SYT17: variants seen among roughly 807,000 people sequenced by gnomAD.
The protein encoded by SYT17 is synaptotagmin-17.
SYT17 carries 22 observed loss-of-function variants against 46.7 expected under a neutral mutation model. The observed-to-expected ratio is 0.47, with a 90% confidence interval of 0.34 to 0.67. The LOEUF (loss-of-function observed/expected upper bound fraction) is 0.67, where lower values mean the gene tolerates loss of function less well. SYT17 is among the 30% of genes least tolerant of loss of function. The probability of loss-of-function intolerance (pLI) is 0.01; values close to 1 mark genes in which losing one functional copy is unlikely to be tolerated. For missense variants in SYT17, 519 were observed against 612.8 expected, an observed-to-expected ratio of 0.85 and a Z score of 1.62; for synonymous variants, 251 against 248.4, an observed-to-expected ratio of 1.01 and a Z score of -0.10.
At chr16:19,241,870 C>G (rs1967156691) in intron 7 of SYT17, among the ~76,000 whole-genome samples, 2 of 152,154 alleles carry the variant, frequency 1.3e-5, no homozygotes, top group African/African-American at 4.8e-5. Context: ...GCACAGGGGT[C>G]CCACCACCAC....
At chr16:19,255,619 T>C (rs1968505426) in intron 7 of SYT17, among the ~76,000 whole-genome samples, 1 of 151,694 alleles carries the variant, frequency 6.6e-6, no homozygotes, top group African/African-American at 2.4e-5. Flanking sequence ...AGACCCCATG[T>C]CTAAAAAAAA....
At chr16:19,247,471 C>G (rs1003557963) in intron 7 of SYT17, among the ~76,000 whole-genome samples, 3 of 152,208 alleles carry the variant, frequency 2.0e-5, no homozygotes, top group African/African-American at 7.2e-5. Context: ...CCAAGCAACC[C>G]TCCTGTCCCG....
chr16:19,218,195 A>G (rs1169487851), intron 5 of SYT17, among the ~76,000 whole-genome samples: 1 of 152,240 alleles, frequency 6.6e-6, no homozygotes, highest in Non-Finnish European at 1.5e-5. Context: ...TGCTGTAACA[A>G]TCATAATCGT....
chr16:19,229,612 A>G (rs1966610714), intron 7 of SYT17, among the ~76,000 whole-genome samples: 1 of 152,232 alleles, frequency 6.6e-6, no homozygotes, highest in Non-Finnish European at 1.5e-5. Context: ...GAGGCAAACC[A>G]TATCAGAAAG....
At chr16:19,173,379 C>A in intron 2 of SYT17, 51 bp from the exon 3 acceptor site, 1 of 227,428 alleles carries the variant, frequency 4.4e-6, no homozygotes, top group Non-Finnish European at 8.7e-6. Flanking sequence ...CCCCACCCTG[C>A]CCACCTCCCC....
Position 19,261,141 on chromosome 16 carries a change from C to T in SYT17, c.1229-5739C>T, listed in dbSNP as rs929948500. 2.6e-5 allele frequency among the ~76,000 whole-genome samples: 4 copies of T among 152,114 alleles called. No homozygotes were observed. In the South Asian group the frequency reaches 6.2e-4, roughly 24 times the overall value. ...CAGGTGTGAGCCACTGCACCTGGCC[C>T]CTGACATGTCTAGTTTTAATTCTCT... On this transcript the variant is annotated intron_variant, in intron 7 of 7. Coordinates refer to ENST00000355377, the MANE Select transcript of SYT17 (RefSeq NM_016524.4).
intron 3 of SYT17, among the ~76,000 whole-genome samples, chr16:19,178,909 A>C (rs1244879873): frequency 6.6e-6 from 1 of 151,966 alleles, no homozygotes; most frequent in South Asian, 2.1e-4. Flanking sequence ...AATAATATCA[A>C]CTAAGCTGGG....
Position 19,224,669 on chromosome 16 carries a change from T to C in SYT17, c.1073-14T>C, listed in dbSNP as rs1417533355. ...TGATCTCCAACATTCTATGATGCTG[T>C]GTCTAATTTTCAGACCCCTTTGTGA... is the stretch of plus-strand genomic sequence containing the variant. On this transcript the variant is annotated splice_polypyrimidine_tract_variant and intron_variant, in intron 6 of 7. Transcript: ENST00000355377. 1 of 1,613,742 alleles carries C rather than the reference T, an allele frequency of 6.2e-7. No homozygotes were observed. The highest frequency in any genetic ancestry group is 1.3e-5 in the African/African-American group (1 of 75,044).
intron 1 of SYT17, among the ~76,000 whole-genome samples, chr16:19,169,534 C>T (rs536715715): frequency 6.6e-6 from 1 of 152,330 alleles, no homozygotes; most frequent in African/African-American, 2.4e-5. Context: ...CACATCTTGT[C>T]CCCTCAGCCA....
At chr16:19,218,983 C>T (rs1461093075) in intron 5 of SYT17, among the ~76,000 whole-genome samples, 2 of 152,164 alleles carry the variant, frequency 1.3e-5, no homozygotes, top group African/African-American at 4.8e-5. Context: ...GAAACCCTAC[C>T]CCATCCACCG....
At chr16:19,192,710 G>A (rs1192814522) in intron 5 of SYT17, among the ~76,000 whole-genome samples, 1 of 152,216 alleles carries the variant, frequency 6.6e-6, no homozygotes, top group East Asian at 1.9e-4. Flanking sequence ...GACAAAGGAT[G>A]CAATTTGAAA....
intron 1 of SYT17, chr16:19,172,096 G>A (rs1224507700): frequency 6.2e-6 from 1 of 161,432 alleles, no homozygotes; most frequent in Non-Finnish European, 1.3e-5. Context: ...GGCCCATTTG[G>A]AAAACCACCT....
chr16:19,257,584 G>A (rs924079688), intron 7 of SYT17, among the ~76,000 whole-genome samples: 1 of 152,110 alleles, frequency 6.6e-6, no homozygotes, highest in Admixed American at 6.6e-5. Flanking sequence ...TGTAGACTGC[G>A]TTATGTCTCC....
chr16:19,211,180 A>C, intron 5 of SYT17: 1 of 440,566 alleles, frequency 2.3e-6, no homozygotes, highest in Non-Finnish European at 4.0e-6. Context: ...AAGAAAGGAA[A>C]TGAGGCCTGT....
At chr16:19,185,893 C>T (rs368446971) in intron 5 of SYT17, among the ~76,000 whole-genome samples, 6 of 152,188 alleles carry the variant, frequency 3.9e-5, no homozygotes, top group Non-Finnish European at 8.8e-5. Context: ...GTGCACTAAG[C>T]GGTAATCACA....
At chr16:19,204,526 G>C (rs1271915709) in intron 5 of SYT17, among the ~76,000 whole-genome samples, 2 of 151,998 alleles carry the variant, frequency 1.3e-5, no homozygotes, top group Admixed American at 1.3e-4. Flanking sequence ...GTGAGGATGG[G>C]GCAGGGTGGT....
intron 5 of SYT17, among the ~76,000 whole-genome samples, chr16:19,219,953 G>C (rs1966245842): frequency 6.6e-6 from 1 of 152,134 alleles, no homozygotes; most frequent in South Asian, 2.1e-4. Flanking sequence ...GGATGGCCTG[G>C]GCTCCTGAGA....
At chr16:19,211,330 G>A (rs911767585) in intron 5 of SYT17, 17 of 688,678 alleles carry the variant, frequency 2.5e-5, no homozygotes, top group African/African-American at 2.1e-4. Flanking sequence ...CTCTCGGCCC[G>A]TGGTGTGGCA....
intron 5 of SYT17, among the ~76,000 whole-genome samples, chr16:19,193,774 G>A (rs951088706): frequency 6.6e-5 from 10 of 152,224 alleles, no homozygotes; most frequent in African/African-American, 2.4e-4. Flanking sequence ...GCCTACCCCA[G>A]GGGTGAGGGA....
Sources: gnomAD v4.1 joint callset for allele counts (sites outside exome capture counted in the v4.1 genomes callset) on GRCh38, gnomAD v4.1.1 for gene constraint, MANE v1.5 for transcripts, NCBI Gene and HGNC (gene_info 2026-07-23, HGNC 2026-07-21) for gene names.